The following FOXP2 variants were observed in gnomAD, a reference collection of about 807,000 sequenced individuals.
FOXP2 encodes forkhead box protein P2.
A neutral mutation model predicts 115.8 loss-of-function variants in FOXP2; 12 were observed. That is an observed-to-expected ratio of 0.10 (90% CI 0.07 to 0.17). FOXP2 has a LOEUF of 0.17. Among genes scored for constraint, FOXP2 ranks in the 10% least tolerant of loss-of-function variants. FOXP2 has a pLI of 1.00. For missense variants in FOXP2, 629 were observed against 843.5 expected (o/e 0.75, Z 3.15); for synonymous variants, 328 against 297.7 (o/e 1.10, Z -1.05).
At chr7:114,180,668 A>C (rs929397949) in intron 1 of FOXP2, among the ~76,000 whole-genome samples, 14 of 152,142 alleles carry the variant, frequency 9.2e-5, no homozygotes, top group Admixed American at 5.2e-4. Flanking sequence ...TTATACACTC[A>C]GTTGCCTGTG....
At chr7:114,585,158 G>A (rs1174519735) in intron 3 of FOXP2, among the ~76,000 whole-genome samples, 1 of 152,142 alleles carries the variant, frequency 6.6e-6, no homozygotes, top group African/African-American at 2.4e-5. Context: ...AGTATGTAAA[G>A]ATTTTTGGAA....
intron 3 of FOXP2, among the ~76,000 whole-genome samples, chr7:114,596,620 C>G (rs181841605): frequency 8.0e-4 from 121 of 152,188 alleles, no homozygotes; most frequent in Non-Finnish European, 1.3e-3. Context: ...AAAGCAGTGA[C>G]CAAAGGTGCA....
At position 114,690,129 on chromosome 7, in the gene FOXP2, C is replaced by CTTTTTTTTTTTT; in HGVS notation, c.*209_*220dup. 9 of 420,514 alleles carry CTTTTTTTTTTTT rather than the reference C, an allele frequency of 2.1e-5. No homozygotes were observed. The highest frequency in any genetic ancestry group is 1.2e-4 in the East Asian group (2 of 17,236). The allele number at this position is 420,514 out of a possible 1,614,324, so 26.0% of individuals were successfully genotyped here. A position where few individuals can be genotyped will look rare whatever the true frequency, so the allele number is the denominator to read the frequency against. On this transcript the variant is annotated 3_prime_UTR_variant, in exon 17 of 17. Coordinates refer to ENST00000350908, the MANE Select transcript of FOXP2 (RefSeq NM_014491.4). Reference sequence around the variant, plus strand: ...TGCTTGTTTTCTTCTTCTTCTTCTTCTTTTTTTTTTTTTTTTTAGAAAAAA... The same window carrying CTTTTTTTTTTTT: ...TGCTTGTTTTCTTCTTCTTCTTCTTCTTTTTTTTTTTTTTTTTTTTTTTTTTTTTAGAAAAAA...
At chr7:114,231,432 G>A (rs1420569633) in intron 1 of FOXP2, among the ~76,000 whole-genome samples, 1 of 152,086 alleles carries the variant, frequency 6.6e-6, no homozygotes. Flanking sequence ...AGAAACAGAA[G>A]AATATGGCTG....
At chr7:114,239,214 T>C (rs1382271630) in intron 1 of FOXP2, among the ~76,000 whole-genome samples, 2 of 152,028 alleles carry the variant, frequency 1.3e-5, no homozygotes, top group African/African-American at 2.4e-5. Context: ...TCAAGTTCTA[T>C]ATTTTTTTGG....
chr7:114,362,303 C>A (rs1043953915), intron 2 of FOXP2, among the ~76,000 whole-genome samples: 24 of 151,926 alleles, frequency 1.6e-4, no homozygotes, highest in African/African-American at 5.3e-4. Flanking sequence ...AACCTTAATG[C>A]TTAGGACAAA....
intron 1 of FOXP2, among the ~76,000 whole-genome samples, chr7:114,138,687 G>A (rs998092683): frequency 5.3e-5 from 8 of 151,944 alleles, no homozygotes; most frequent in Non-Finnish European, 1.2e-4. Context: ...CACCATGCCC[G>A]GCCAAGCCTA....
chr7:114,105,217 GT>G (rs1562965710), intron 1 of FOXP2, among the ~76,000 whole-genome samples: 1 of 151,912 alleles, frequency 6.6e-6, no homozygotes, highest in Non-Finnish European at 1.5e-5. Flanking sequence ...TGACATTTCA[GT>G]TAATTTTTTT....
intron 16 of FOXP2, among the ~76,000 whole-genome samples, chr7:114,687,575 A>G (rs1407628088): frequency 6.6e-6 from 1 of 152,248 alleles, no homozygotes; most frequent in African/African-American, 2.4e-5. Context: ...TGCAAATTAA[A>G]GCTGTAAGCT....
intron 3 of FOXP2, among the ~76,000 whole-genome samples, chr7:114,559,704 A>G: frequency 6.6e-6 from 1 of 151,874 alleles, no homozygotes; most frequent in Non-Finnish European, 1.5e-5. Context: ...AACACGGTGA[A>G]ACCCCGTCTC....
intron 7 of FOXP2, among the ~76,000 whole-genome samples, chr7:114,644,226 A>G (rs1805743538): frequency 6.6e-6 from 1 of 152,190 alleles, no homozygotes; most frequent in African/African-American, 2.4e-5. Context: ...TAGTAGAAAT[A>G]TATGTGGTTT....
intron 2 of FOXP2, among the ~76,000 whole-genome samples, chr7:114,447,053 T>A (rs2129215943): frequency 6.6e-6 from 1 of 152,178 alleles, no homozygotes; most frequent in East Asian, 1.9e-4. Flanking sequence ...CCTGGCCTCC[T>A]ATCTTTTTAA....
chr7:114,338,693 G>A (rs968791262), intron 2 of FOXP2, among the ~76,000 whole-genome samples: 1 of 150,470 alleles, frequency 6.6e-6, no homozygotes, highest in Non-Finnish European at 1.5e-5. Context: ...AATTCACTAA[G>A]AGTGTAGTCT....
intron 2 of FOXP2, among the ~76,000 whole-genome samples, chr7:114,474,274 A>G (rs1264777009): frequency 6.6e-6 from 1 of 152,186 alleles, no homozygotes; most frequent in Non-Finnish European, 1.5e-5. Flanking sequence ...GAGTTTTAGC[A>G]TTACTTATGA....
At chr7:114,640,024 T>C (rs1805437533) in intron 6 of FOXP2, among the ~76,000 whole-genome samples, 1 of 152,076 alleles carries the variant, frequency 6.6e-6, no homozygotes, top group African/African-American at 2.4e-5. Context: ...AGGAAGACAG[T>C]TGGAAGGCTA....
rs377070598 is a variant in FOXP2 at position 114,196,898 on chromosome 7, A to C, written c.-102+33810A>C. On this transcript the variant is annotated intron_variant, in intron 1 of 17. Coordinates refer to the FOXP2 transcript ENST00000634411. ...TTGAGTGGGTTTATAATTCAGTAAC[A>C]CCCCAAATTTGGGCTGGACATGGTT... Among the ~76,000 whole-genome samples the C allele has an allele frequency of 1.3e-4, 20 of 152,146 alleles. No individual in the cohort carries two copies. The East Asian group carries it at 1.4e-3, about 10-fold the overall frequency.
rs190573007 is a variant in FOXP2 at position 114,588,297 on chromosome 7, C to G, written c.259-40243C>G. ...AATCCAGCCTGGGCAACAGATGAGA[C>G]TCTGTCTCAAAAAACAAAAACAAAA... is the stretch of plus-strand genomic sequence containing the variant. On this transcript the variant is annotated intron_variant, in intron 3 of 16. Coordinates refer to ENST00000350908, the MANE Select transcript of FOXP2 (RefSeq NM_014491.4). Among the ~76,000 whole-genome samples, 626 of 151,962 alleles carry G rather than the reference C, an allele frequency of 4.1e-3. 6 individuals carry two copies. Among genetic ancestry groups the G allele is most frequent in the African/African-American group, 0.014 (580 of 41,440 alleles).
At chr7:114,156,273 T>C (rs1199748363) in intron 1 of FOXP2, among the ~76,000 whole-genome samples, 2 of 152,102 alleles carry the variant, frequency 1.3e-5, no homozygotes, top group Non-Finnish European at 2.9e-5. Context: ...ATTGGTTGCC[T>C]GACATTTTTG....
chr7:114,092,414 T>C (rs1799560049), intron 1 of FOXP2, among the ~76,000 whole-genome samples: 1 of 152,070 alleles, frequency 6.6e-6, no homozygotes, highest in Non-Finnish European at 1.5e-5. Flanking sequence ...TATTTAATTT[T>C]ATGTTTATTT....
Sources: gnomAD v4.1 joint callset for allele counts (sites outside exome capture counted in the v4.1 genomes callset) on GRCh38, gnomAD v4.1.1 for gene constraint, MANE v1.5 for transcripts, NCBI Gene and HGNC (gene_info 2026-07-23, HGNC 2026-07-21) for gene names.